Variants in ADARB2 observed in about 807,000 individuals in gnomAD.
ADARB2 encodes inactive double-stranded RNA-specific editase B2.
Under a neutral mutation model 62.2 loss-of-function variants are expected in ADARB2, and 25 were observed. The observed-to-expected ratio is 0.40, with a 90% CI of 0.29 to 0.56. The LOEUF (loss-of-function observed/expected upper bound fraction) is 0.56. Ranked by LOEUF, ADARB2 falls within the 20% of genes least tolerant of loss-of-function variation. ADARB2 has a pLI of 0.43. For synonymous variants in ADARB2, 572 were observed against 500.8 expected (o/e 1.14, Z -1.90); for missense variants, 1,071 against 1,077.4 (o/e 0.99, Z 0.08).
intron 3 of ADARB2, among the ~76,000 whole-genome samples, chr10:1,305,972 A>G (rs1831623401): frequency 6.6e-6 from 1 of 152,180 alleles, no homozygotes; most frequent in Non-Finnish European, 1.5e-5. Flanking sequence ...AACTGGAAGC[A>G]TTCCCTTTGA....
chr10:1,469,262 G>C (rs1278204357), intron 1 of ADARB2, among the ~76,000 whole-genome samples: 4 of 152,112 alleles, frequency 2.6e-5, no homozygotes, highest in Non-Finnish European at 5.9e-5. Context: ...GTCTGCGCAC[G>C]GCTCCGGGAG....
chr10:1,549,695 C>T (rs1832587028), intron 1 of ADARB2, among the ~76,000 whole-genome samples: 1 of 152,114 alleles, frequency 6.6e-6, no homozygotes. Context: ...TTGGCCAAAC[C>T]CATTGTCCCC....
At chr10:1,569,709 A>G (rs1178387448) in intron 1 of ADARB2, among the ~76,000 whole-genome samples, 1 of 152,226 alleles carries the variant, frequency 6.6e-6, no homozygotes, top group Non-Finnish European at 1.5e-5. Flanking sequence ...AAATTTGATC[A>G]TATTTTGCCT....
chr10:1,575,580 C>T (rs1832999768), intron 1 of ADARB2, among the ~76,000 whole-genome samples: 3 of 152,234 alleles, frequency 2.0e-5, no homozygotes, highest in African/African-American at 7.2e-5. Flanking sequence ...CACATGCGTG[C>T]AGACGCTGCT....
At chr10:1,343,124 C>A (rs1156684096) in intron 3 of ADARB2, among the ~76,000 whole-genome samples, 2 of 152,114 alleles carry the variant, frequency 1.3e-5, no homozygotes, top group African/African-American at 4.8e-5. Flanking sequence ...TTAGTCAGGG[C>A]TTTTCTGACA....
At chr10:1,525,785 ATGTG>A (rs750459158) in intron 1 of ADARB2, among the ~76,000 whole-genome samples, 12 of 150,930 alleles carry the variant, frequency 8.0e-5, no homozygotes, top group South Asian at 2.1e-4. Flanking sequence ...TTGTGTGTTT[ATGTG>A]TGTGTATGTG....
At chr10:1,722,607 C>A (rs1384610885) in intron 1 of ADARB2, among the ~76,000 whole-genome samples, 1 of 152,138 alleles carries the variant, frequency 6.6e-6, no homozygotes, top group Non-Finnish European at 1.5e-5. Context: ...TGCTGTATTT[C>A]ATTCCGTTTC....
intron 1 of ADARB2, among the ~76,000 whole-genome samples, chr10:1,452,595 G>A (rs527665487): frequency 4.1e-4 from 55 of 133,828 alleles, no homozygotes; most frequent in African/African-American, 1.5e-3. Context: ...GCTGAACAAT[G>A]AGAACTCATG....
At chr10:1,603,164 A>C (rs57983985) in intron 1 of ADARB2, among the ~76,000 whole-genome samples, 2 of 86,378 alleles carry the variant, frequency 2.3e-5, no homozygotes, top group East Asian at 5.3e-4. Context: ...TACACACATT[A>C]ACACACACAC....
chr10:1,411,888 C>T (rs760163581), intron 1 of ADARB2, among the ~76,000 whole-genome samples: 11 of 152,336 alleles, frequency 7.2e-5, no homozygotes, highest in Non-Finnish European at 1.3e-4. Context: ...AAAGACATTG[C>T]TTTCAGCTAG....
intron 1 of ADARB2, among the ~76,000 whole-genome samples, chr10:1,499,145 A>G (rs976546179): frequency 3.5e-4 from 53 of 151,694 alleles, no homozygotes; most frequent in African/African-American, 1.2e-3. Flanking sequence ...TCACTCACTC[A>G]TTACTCATTT....
At chr10:1,285,584 G>GC (rs59243466) in intron 3 of ADARB2, among the ~76,000 whole-genome samples, 1,907 of 152,282 alleles carry the variant, frequency 0.013, 46 homozygotes, top group African/African-American at 0.043. Flanking sequence ...TGGGGAGTTG[G>GC]CCCCATATTT....
At chr10:1,554,143 C>A (rs1323119688) in intron 1 of ADARB2, among the ~76,000 whole-genome samples, 1 of 152,164 alleles carries the variant, frequency 6.6e-6, no homozygotes, top group Non-Finnish European at 1.5e-5. Flanking sequence ...TTTCCCCACC[C>A]ATCTGCAGGG....
intron 4 of ADARB2, among the ~76,000 whole-genome samples, chr10:1,244,043 A>G (rs578008967): frequency 2.2e-4 from 34 of 152,358 alleles, no homozygotes; most frequent in African/African-American, 7.9e-4. Flanking sequence ...TTCCAGGTCC[A>G]GGCCTCCTCC....
chr10:1,287,244 G>A (rs564726196), intron 3 of ADARB2, among the ~76,000 whole-genome samples: 1 of 152,154 alleles, frequency 6.6e-6, no homozygotes, highest in East Asian at 1.9e-4. Context: ...TACATAGTTA[G>A]CCTTTTAGAG....
chr10:1,560,702 CG>C (rs1832775052), intron 1 of ADARB2, among the ~76,000 whole-genome samples: 1 of 149,434 alleles, frequency 6.7e-6, no homozygotes, highest in African/African-American at 2.4e-5. Context: ...GCCACACTCT[CG>C]CCCAGGCAGG....
At chr10:1,417,626 G>T (rs1368107026) in intron 1 of ADARB2, among the ~76,000 whole-genome samples, 1 of 152,234 alleles carries the variant, frequency 6.6e-6, no homozygotes, top group Non-Finnish European at 1.5e-5. Context: ...AGGAGTCTGT[G>T]CTCTCTTTTG....
chr10:1,658,444 C>T lies in ADARB2; in HGVS notation c.100+78607G>A, dbSNP rs1045823831. ...TCTGTCTGATTCTCTCTGTTTTTCTCTCTCTGTGTATCTCTTTTCTCTCTC... is the reference window on the plus strand; with the variant it reads ...TCTGTCTGATTCTCTCTGTTTTTCTTTCTCTGTGTATCTCTTTTCTCTCTC... On this transcript the variant is annotated intron_variant, in intron 1 of 9. Transcript: ENST00000381312. Among the ~76,000 whole-genome samples, 63 of 152,002 alleles carry T rather than the reference C, an allele frequency of 4.1e-4. 1 individual carries two copies. Among genetic ancestry groups the T allele is most frequent in the Non-Finnish European group, 6.9e-4 (47 of 67,996 alleles).
intron 8 of ADARB2, among the ~76,000 whole-genome samples, chr10:1,191,233 C>A (rs1291898550): frequency 6.6e-6 from 1 of 152,324 alleles, no homozygotes; most frequent in Non-Finnish European, 1.5e-5. Context: ...TGATGAGGAC[C>A]AGCGGGGCTC....
Sources: allele counts gnomAD v4.1 joint callset (sites outside exome capture counted in the v4.1 genomes callset), GRCh38; gene constraint gnomAD v4.1.1; transcripts MANE v1.5; gene names NCBI Gene and HGNC (gene_info 2026-07-23, HGNC 2026-07-21).